Variants in CCDC180 observed in about 807,000 individuals in gnomAD.
CCDC180 encodes the protein coiled-coil domain-containing protein 180.
Under a neutral mutation model 209.2 loss-of-function variants are expected in CCDC180, and 154 were observed. The ratio of observed to expected loss-of-function variants is 0.74; its 90% CI spans 0.65 to 0.84. The LOEUF (loss-of-function observed/expected upper bound fraction) is 0.84. Ranked by LOEUF, CCDC180 falls within the 40% of genes least tolerant of loss-of-function variation. The pLI is 0.00. For missense variants in CCDC180, 1,874 were observed against 1,997.3 expected, an observed-to-expected ratio of 0.94 and a Z score of 1.18; for synonymous variants, 778 against 749.1, an observed-to-expected ratio of 1.04 and a Z score of -0.63.
rs768783302 is a variant in CCDC180, at chr9:97,312,194, T to C, written c.342T>C (p.Asp114=). The C allele has an allele frequency of 1.2e-5, 19 of 1,613,628 alleles. No homozygotes were observed. The highest frequency in any genetic ancestry group is 1.7e-5 in the Admixed American group (1 of 59,988). Residue 114 remains aspartate, a synonymous_variant, in exon 4 of 37, where the codon GAT becomes GAC. Transcript: ENST00000529487. ...IAAREVRGLM[D]TIVPEKISTS... ...CCCGAGAAGTGCGGGGTCTCATGGA[T>C]ACTATAGGTGAGCCTCCATTCAGCC...
intron 6 of CCDC180, 37 bp downstream of exon 6, chr9:97,314,558 G>T: frequency 6.2e-7 from 1 of 1,613,658 alleles, no homozygotes; most frequent in Non-Finnish European, 8.5e-7. Flanking sequence ...GCCCCACCCA[G>T]GTCCTGCTTC....
intron 22 of CCDC180, among the ~76,000 whole-genome samples, chr9:97,354,285 T>C (rs1248630852): frequency 6.6e-6 from 1 of 152,174 alleles, no homozygotes; most frequent in African/African-American, 2.4e-5. Flanking sequence ...GGCAAGTTCA[T>C]GTGGAATTCT....
chr9:97,325,065 A>G lies in CCDC180; in HGVS notation c.1418A>G (p.His473Arg). 6.2e-7 allele frequency: 1 copy of G among 1,613,962 alleles called. No homozygotes were observed. The highest frequency in any genetic ancestry group is 1.1e-5 in the South Asian group (1 of 91,040). ...LADQTEWQSSHLFKYFQEVVQ... is the reference protein window; with the variant it reads ...LADQTEWQSSRLFKYFQEVVQ... ...GATCAGACAGAGTGGCAGAGTTCAC[A>G]CCTCTTCAAGTATTTCCAGGAGGTG... The change falls in exon 14 of 37, where the codon CAC becomes CGC. Residue 473 changes from histidine (H) to arginine (R), a missense_variant. His to Arg is a conservative substitution (Grantham distance 29, BLOSUM62 0). Transcript: ENST00000529487.
At chr9:97,362,991 A>G (rs1826808922) in intron 28 of CCDC180, among the ~76,000 whole-genome samples, 2 of 152,224 alleles carry the variant, frequency 1.3e-5, no homozygotes, top group Admixed American at 1.3e-4. Context: ...CCACATGAGA[A>G]GAGCAAAGGC....
chr9:97,308,736 G>A (rs1207249577), intron 2 of CCDC180, among the ~76,000 whole-genome samples: 1 of 152,174 alleles, frequency 6.6e-6, no homozygotes, highest in African/African-American at 2.4e-5. Context: ...ATTTAAAAGG[G>A]ATTTGCATTC....
chr9:97,363,521 C>T (rs1174306248), intron 28 of CCDC180: 2 of 500,668 alleles, frequency 4.0e-6, no homozygotes, highest in Non-Finnish European at 8.4e-6. Context: ...AAACAAAGTC[C>T]ATGTCACTAG....
In CCDC180 at chr9:97,378,747, A is replaced by G. The variant is rs7874652; in HGVS notation, c.*1853A>G. 0.21 allele frequency among the ~76,000 whole-genome samples: 32,493 copies of G among 152,106 alleles called. 3,708 individuals carry two copies. The highest frequency in any genetic ancestry group is 0.4 in the East Asian group (2,039 of 5,158). ...CATTAGCTCTTTGTACACATCTGTA[A>G]TCATTCCTTAATCAGAGGGTGGCAG... On this transcript the variant is annotated 3_prime_UTR_variant, in exon 37 of 37. Coordinates refer to ENST00000529487, the MANE Select transcript of CCDC180 (RefSeq NM_020893.6).
intron 18 of CCDC180, among the ~76,000 whole-genome samples, chr9:97,339,549 C>T (rs1391472670): frequency 6.6e-6 from 1 of 152,158 alleles, no homozygotes; most frequent in Admixed American, 6.5e-5. Flanking sequence ...ATGGGCTTCC[C>T]TTTGTGGGTA....
Position 97,317,072 on chromosome 9 carries a change from A to C in CCDC180, c.803A>C (p.Asn268Thr). 6.2e-7 allele frequency: 1 copy of C among 1,611,926 alleles called. No individual in the cohort carries two copies. The highest frequency in any genetic ancestry group is 8.5e-7 in the Non-Finnish European group (1 of 1,178,698). ...GCCCATCTGTGACCACAGGTCATGA[A>C]CTATGCCCTGCTGGGCAACCGGAAG... ...RLINEEAMVM[N>T]YALLGNRKAL... Residue 268 changes from asparagine (N) to threonine (T), a missense_variant, in exon 9 of 37, where the codon AAC becomes ACC. By Grantham distance (65) the Asn-to-Thr change is moderately conservative. Transcript: ENST00000529487.
At chr9:97,320,332 A>C in intron 11 of CCDC180, 127 bp downstream of exon 11, 1 of 874,868 alleles carries the variant, frequency 1.1e-6, no homozygotes, top group East Asian at 2.4e-5. Context: ...TGGCAGGAAA[A>C]GTGAGCTCTG....
In CCDC180 at chr9:97,328,153, A is replaced by G. The variant is rs1833598230; in HGVS notation, c.1788+7A>G. The G allele has an allele frequency of 1.2e-6, 2 of 1,613,138 alleles. No homozygotes were observed. The highest frequency in any genetic ancestry group is 4.5e-5 in the East Asian group (2 of 44,836). On this transcript the variant is annotated splice_region_variant and intron_variant, in intron 16 of 36. Transcript: ENST00000529487. ...GCGTGAAATCTTTGAACAGGTATGG[A>G]GAGGGTGATGATACACCCAGCCACT... is the stretch of plus-strand genomic sequence containing the variant.
At chr9:97,370,884 G>A (rs970155132) in intron 33 of CCDC180, 106 bp downstream of exon 33, 62 of 1,242,414 alleles carry the variant, frequency 5.0e-5, no homozygotes, top group South Asian at 4.1e-4. Flanking sequence ...CTTGCCCAAA[G>A]CAGGCATGAT....
chr9:97,330,090 G>C (rs1042939903), intron 16 of CCDC180, 64 bp from the exon 17 acceptor site: 9 of 1,033,524 alleles, frequency 8.7e-6, no homozygotes, highest in Non-Finnish European at 1.3e-5. Flanking sequence ...AAAAAAAAAA[G>C]GTGGGGGGCA....
At chr9:97,349,795 T>G (rs1826372039) in intron 21 of CCDC180, among the ~76,000 whole-genome samples, 1 of 152,138 alleles carries the variant, frequency 6.6e-6, no homozygotes, top group Non-Finnish European at 1.5e-5. Context: ...GGGAGGAGAC[T>G]GGCAAGTGTC....
chr9:97,317,264 C>T, intron 9 of CCDC180, 36 bp downstream of exon 9: 1 of 1,486,638 alleles, frequency 6.7e-7, no homozygotes, highest in Admixed American at 2.2e-5. Flanking sequence ...CTCCAGCCCA[C>T]CAGGGGGGCT....
At position 97,326,199 on chromosome 9, in the gene CCDC180, C is replaced by T. The variant is rs148757632; in HGVS notation, c.1546-355C>T. 5.9e-5 allele frequency among the ~76,000 whole-genome samples: 9 copies of T among 152,304 alleles called. No individual in the cohort carries two copies. In the East Asian group the frequency reaches 1.7e-3, roughly 29 times the overall value. On this transcript the variant is annotated intron_variant, in intron 14 of 36. Transcript: ENST00000529487. Reference sequence around the variant, plus strand: ...AGTCCAGGAGGTGGGGGAACAAACTCAGCTTCTGATTTCAAGCACGACTGG... The same window carrying T: ...AGTCCAGGAGGTGGGGGAACAAACTTAGCTTCTGATTTCAAGCACGACTGG...
rs1587794884 is a variant in CCDC180, at chr9:97,326,045, T to C, written c.1546-509T>C. Among the ~76,000 whole-genome samples the C allele has an allele frequency of 3.9e-5, 6 of 152,352 alleles. No individual in the cohort carries two copies. In the South Asian group the frequency reaches 1.2e-3, roughly 32 times the overall value. On this transcript the variant is annotated intron_variant, in intron 14 of 36. Transcript: ENST00000529487. The stretch of plus-strand genomic sequence containing the variant: ...AAGGGGAAGACACTCCAAGTTCTTA[T>C]TACAGACAAACATGTCATTCATGTA...
rs1442534048 is a variant in CCDC180 at position 97,312,042 on chromosome 9, C to G, written c.261-71C>G. 5 of 1,322,482 alleles carry G rather than the reference C, an allele frequency of 3.8e-6. No individual in the cohort carries two copies. The African/African-American group carries it at 7.2e-5, about 19-fold the overall frequency. The allele number at this position is 1,322,482 out of a possible 1,614,324, so 81.9% of individuals were successfully genotyped here. On this transcript the variant is annotated intron_variant, in intron 3 of 36. Coordinates refer to ENST00000529487, the MANE Select transcript of CCDC180 (RefSeq NM_020893.6). ...CCCTCTGGAGAACCACCCCTTGGTG[C>G]CCTTATGTGCCAGAGCTGCCATGGA...
chr9:97,376,881 G>T lies in CCDC180; in HGVS notation c.4961G>T (p.Gly1654Val), dbSNP rs770789135. The change falls in exon 37 of 37, where the codon GGC (glycine) becomes GTC (valine). Residue 1654 changes from glycine to valine, a missense_variant. Coordinates refer to ENST00000529487, the MANE Select transcript of CCDC180 (RefSeq NM_020893.6). ...SWKQSLHTIQ[G>V]LYV ...AAGCAGTCCCTGCACACTATCCAAG[G>T]CCTGTATGTGTGACCCTCCGCCCCA... is the stretch of plus-strand genomic sequence containing the variant. 1 of 1,611,752 alleles carries T rather than the reference G, an allele frequency of 6.2e-7. No individual in the cohort carries two copies. Among genetic ancestry groups the T allele is most frequent in the African/African-American group, 1.3e-5 (1 of 74,952 alleles).
Sources: allele counts gnomAD v4.1 joint callset (sites outside exome capture counted in the v4.1 genomes callset), GRCh38; gene constraint gnomAD v4.1.1; transcripts MANE v1.5; gene names NCBI Gene and HGNC (gene_info 2026-07-23, HGNC 2026-07-21).